RNPEP: variants seen among roughly 807,000 people sequenced by gnomAD.
RNPEP encodes arginyl aminopeptidase.
A neutral mutation model predicts 70.1 loss-of-function variants in RNPEP; 57 were observed. That is an observed-to-expected ratio of 0.81 (90% CI 0.66 to 1.01). RNPEP has a LOEUF of 1.01. RNPEP is among the 50% of genes least tolerant of loss of function. The probability of loss-of-function intolerance (pLI) is 0.00; values close to 1 mark genes in which losing one functional copy is unlikely to be tolerated. For synonymous variants in RNPEP, 335 were observed against 357.4 expected (o/e 0.94, Z 0.71); for missense variants, 787 against 852.4 (o/e 0.92, Z 0.96).
intron 1 of RNPEP, 50 bp downstream of exon 1, chr1:201,983,163 C>T: frequency 7.0e-7 from 1 of 1,426,940 alleles, no homozygotes; most frequent in Non-Finnish European, 9.1e-7. Context: ...CCCTTCCGGC[C>T]CCCAGCCGCC....
chr1:201,988,787 T>C, intron 1 of RNPEP, 117 bp from the exon 2 acceptor site: 1 of 1,261,676 alleles, frequency 7.9e-7, no homozygotes, highest in Non-Finnish European at 1.1e-6. Context: ...CCAGACTGGC[T>C]GGCGGAAAGG....
At chr1:201,989,651 G>T in intron 3 of RNPEP, 120 bp downstream of exon 3, 1 of 1,021,030 alleles carries the variant, frequency 9.8e-7, no homozygotes. Context: ...TGAGTCCAGA[G>T]CCTTTCTGCA....
At chr1:201,992,942 CTCT>C (rs1342263883) in intron 3 of RNPEP, among the ~76,000 whole-genome samples, 1 of 152,072 alleles carries the variant, frequency 6.6e-6, no homozygotes, top group Non-Finnish European at 1.5e-5. Flanking sequence ...TTCAACAGTC[CTCT>C]TATTTACCTT....
chr1:201,984,678 A>G (rs756885100), intron 1 of RNPEP, among the ~76,000 whole-genome samples: 3 of 152,160 alleles, frequency 2.0e-5, no homozygotes, highest in Non-Finnish European at 2.9e-5. Flanking sequence ...GATGATGGCT[A>G]ATATTTAATA....
In RNPEP at chr1:201,996,132, C is replaced by A; in HGVS notation, c.738-15C>A. The A allele has an allele frequency of 1.2e-6, 2 of 1,602,478 alleles. No individual in the cohort carries two copies. The highest frequency in any genetic ancestry group is 1.7e-6 in the Non-Finnish European group (2 of 1,169,622). On this transcript the variant is annotated splice_polypyrimidine_tract_variant and intron_variant, in intron 3 of 10. Transcript: ENST00000295640. The stretch of plus-strand genomic sequence containing the variant: ...TCTAAACACCATTCTGCTTTCTCTG[C>A]TCTCTTGTCTTTAGGAGCCGGGTGT...
chr1:201,999,078 A>C (rs1273819370), intron 5 of RNPEP, among the ~76,000 whole-genome samples: 1 of 152,110 alleles, frequency 6.6e-6, no homozygotes, highest in Non-Finnish European at 1.5e-5. Flanking sequence ...TTAGCCAGGC[A>C]TCATGGTGTG....
intron 4 of RNPEP, among the ~76,000 whole-genome samples, chr1:201,996,658 T>C (rs1430211797): frequency 2.0e-5 from 3 of 152,100 alleles, no homozygotes; most frequent in Admixed American, 2.0e-4. Flanking sequence ...CACACTCAGC[T>C]AATTTTTGTA....
intron 1 of RNPEP, 185 bp downstream of exon 1, chr1:201,983,298 G>C: frequency 1.4e-6 from 2 of 1,422,588 alleles, no homozygotes; most frequent in Non-Finnish European, 1.8e-6. Flanking sequence ...TTTTCCTCCC[G>C]GGCTGCCTGG....
chr1:201,991,335 G>C (rs1255555772), intron 3 of RNPEP, among the ~76,000 whole-genome samples: 1 of 152,078 alleles, frequency 6.6e-6, no homozygotes, highest in Non-Finnish European at 1.5e-5. Context: ...GGCTAGTCTT[G>C]AACTCCTGAC....
Position 201,982,656 on chromosome 1 carries a change from G to T in RNPEP, c.-11G>T. ...TTCGCGGCCCGGCCGGTGAGCAACG[G>T]CTCTGCGGCCATGGCGAGCGGCGAG... On this transcript the variant is annotated 5_prime_UTR_variant, in exon 1 of 11. Transcript: ENST00000295640. 1 of 1,326,872 alleles carries T rather than the reference G, an allele frequency of 7.5e-7. No individual in the cohort carries two copies. The allele number at this position is 1,326,872 out of a possible 1,614,324, so 82.2% of individuals were successfully genotyped here. A position where few individuals can be genotyped will look rare whatever the true frequency, so the allele number is the denominator to read the frequency against.
Position 202,004,387 on chromosome 1 carries a change from G to A in RNPEP, c.1685G>A (p.Ser562Asn). The change falls in exon 10 of 11, where the codon AGT becomes AAT. Residue 562 changes from serine (S) to asparagine (N), a missense_variant. Transcript: ENST00000295640. ...AAAAAACTTGGAGACACATACCCAAGTATCTCAAATGCCCGGAATGCAGAG... is the reference window on the plus strand; with the variant it reads ...AAAAAACTTGGAGACACATACCCAAATATCTCAAATGCCCGGAATGCAGAG... ...NVKKLGDTYPSISNARNAELR... is the reference protein window; with the variant it reads ...NVKKLGDTYPNISNARNAELR... 6.2e-7 allele frequency: 1 copy of A among 1,614,162 alleles called. No individual in the cohort carries two copies. The highest frequency in any genetic ancestry group is 8.5e-7 in the Non-Finnish European group (1 of 1,180,034).
intron 7 of RNPEP, 60 bp from the exon 8 acceptor site, chr1:202,001,599 C>A: frequency 6.8e-7 from 1 of 1,460,374 alleles, no homozygotes; most frequent in Non-Finnish European, 9.6e-7. Flanking sequence ...ACCCAGGACA[C>A]AGAGGGACAC....
At chr1:202,003,102 GA>G in intron 8 of RNPEP, 134 bp from the exon 9 acceptor site, 1 of 641,056 alleles carries the variant, frequency 1.6e-6, no homozygotes. Flanking sequence ...AGTTACATGG[GA>G]AAGTAATGTT....
At position 202,005,614 on chromosome 1, in the gene RNPEP, G is replaced by A. The variant is rs1283627702; in HGVS notation, c.1851G>A (p.Val617=). The A allele has an allele frequency of 1.2e-6, 2 of 1,614,052 alleles. No individual in the cohort carries two copies. The highest frequency in any genetic ancestry group is 1.7e-5 in the Admixed American group (1 of 60,008). The part of the protein sequence containing the change: ...LYHAMMGGSE[V]AQTLAKETFA... ...ACGCAATGATGGGTGGCAGTGAGGT[G>A]GCCCAGACCCTCGCCAAGGAGACTT... Residue 617 remains valine, a synonymous_variant, in exon 11 of 11, where the codon GTG becomes GTA. Coordinates refer to ENST00000295640, the MANE Select transcript of RNPEP (RefSeq NM_020216.4).
chr1:201,986,665 G>T (rs991208819), intron 1 of RNPEP, among the ~76,000 whole-genome samples: 1 of 150,800 alleles, frequency 6.6e-6, no homozygotes, highest in Non-Finnish European at 1.5e-5. Context: ...CTCAGCCTCC[G>T]AAGTAGCTGG....
At chr1:202,005,396 G>A (rs1684016116) in intron 10 of RNPEP, among the ~76,000 whole-genome samples, 162 bp from the exon 11 acceptor site, 2 of 152,180 alleles carry the variant, frequency 1.3e-5, no homozygotes, top group Non-Finnish European at 2.9e-5. Flanking sequence ...GAAGATGCCT[G>A]AATTAGAGCA....
Position 202,003,375 on chromosome 1 carries a change from T to C in RNPEP, c.1565T>C (p.Ile522Thr), listed in dbSNP as rs749095534. ...WAAEELDMKA[I>T]EAVAISPWKT... Reference sequence around the variant, plus strand: ...GCCGAGGAGCTGGACATGAAGGCCATTGAAGCCGTGGCCATCTCTCCCTGG... The same window carrying C: ...GCCGAGGAGCTGGACATGAAGGCCACTGAAGCCGTGGCCATCTCTCCCTGG... Residue 522 changes from isoleucine to threonine, a missense_variant, in exon 9 of 11, where the codon ATT becomes ACT. Transcript: ENST00000295640. 1.0e-4 allele frequency: 165 copies of C among 1,614,022 alleles called. No homozygotes were observed. The highest frequency in any genetic ancestry group is 3.3e-4 in the Middle Eastern group (2 of 6,084).
At chr1:201,987,128 G>T (rs1683156481) in intron 1 of RNPEP, among the ~76,000 whole-genome samples, 1 of 152,076 alleles carries the variant, frequency 6.6e-6, no homozygotes, top group African/African-American at 2.4e-5. Context: ...GCCCAGGCCT[G>T]CCTCCCCAAC....
intron 3 of RNPEP, among the ~76,000 whole-genome samples, chr1:201,994,066 C>T (rs539556960): frequency 1.1e-3 from 164 of 152,244 alleles, no homozygotes; most frequent in Non-Finnish European, 2.0e-3. Context: ...TTTTCTTCTG[C>T]CCCCATTGAC....
Sources: gnomAD v4.1 joint callset for allele counts (sites outside exome capture counted in the v4.1 genomes callset) on GRCh38, gnomAD v4.1.1 for gene constraint, MANE v1.5 for transcripts, NCBI Gene and HGNC (gene_info 2026-07-23, HGNC 2026-07-21) for gene names.